The following CARMIL1 variants were observed in gnomAD, a reference collection of about 807,000 sequenced individuals.
CARMIL1 encodes the protein capping protein regulator and myosin 1 linker 1.
Under a neutral mutation model 177.1 loss-of-function variants are expected in CARMIL1, and 90 were observed. The observed-to-expected ratio is 0.51, with a 90% CI of 0.43 to 0.61. CARMIL1 has a LOEUF of 0.61. Ranked by LOEUF, CARMIL1 falls within the 20% of genes least tolerant of loss-of-function variation. The pLI is 0.00. For missense variants in CARMIL1, 1,380 were observed against 1,667.0 expected (o/e 0.83, Z 3.00); for synonymous variants, 577 against 606.2 (o/e 0.95, Z 0.71).
chr6:25,472,583 T>G, intron 11 of CARMIL1, 62 bp downstream of exon 11: 1 of 1,348,758 alleles, frequency 7.4e-7, no homozygotes, highest in Non-Finnish European at 1.0e-6. Context: ...GAATTTTAAT[T>G]TAGCCATGCC....
Position 25,600,660 on chromosome 6 carries a change from C to T in CARMIL1, c.3466C>T (p.Arg1156Trp), listed in dbSNP as rs767321872. Reference sequence around the variant, plus strand: ...CAGCAAGAGCAGCCCACAGGCAGGGCGGAGGTATGGGGTCCAGGTGATGGG... The same window carrying T: ...CAGCAAGAGCAGCCCACAGGCAGGGTGGAGGTATGGGGTCCAGGTGATGGG... ...SDSKSSPQAG[R>W]RYGVQVMGSG... Residue 1156 changes from arginine to tryptophan, a missense_variant, in exon 33 of 37, where the codon CGG becomes TGG. Arg to Trp is a moderately radical substitution (Grantham distance 101). Coordinates refer to ENST00000329474, the MANE Select transcript of CARMIL1 (RefSeq NM_017640.6). 9.9e-6 allele frequency: 16 copies of T among 1,612,202 alleles called. No homozygotes were observed. The highest frequency in any genetic ancestry group is 1.7e-5 in the Admixed American group (1 of 59,844).
chr6:25,488,240 A>G (rs1039111136), intron 12 of CARMIL1, among the ~76,000 whole-genome samples: 2 of 152,172 alleles, frequency 1.3e-5, no homozygotes, highest in African/African-American at 4.8e-5. Flanking sequence ...GAAGACATGG[A>G]TCAAAGGGAA....
intron 2 of CARMIL1, among the ~76,000 whole-genome samples, chr6:25,325,223 G>A (rs1390994201): frequency 6.6e-6 from 1 of 152,146 alleles, no homozygotes; most frequent in Non-Finnish European, 1.5e-5. Context: ...TTCTATATTC[G>A]TGTGGTAGAG....
chr6:25,299,361 G>T lies in CARMIL1; in HGVS notation c.138+14452G>T, dbSNP rs889888941. Among the ~76,000 whole-genome samples, 16 of 149,292 alleles carry T rather than the reference G, an allele frequency of 1.1e-4. No individual in the cohort carries two copies. The East Asian group carries it at 1.5e-3, about 14-fold the overall frequency. On this transcript the variant is annotated intron_variant, in intron 2 of 36. Coordinates refer to ENST00000329474, the MANE Select transcript of CARMIL1 (RefSeq NM_017640.6). ...AATTTTTTGTATTTTTAGTAGAGAC[G>T]GGGTTTTACCATGTTGGCCAGGCTG...
chr6:25,545,467 A>C (rs971688000), intron 26 of CARMIL1, among the ~76,000 whole-genome samples: 2 of 152,250 alleles, frequency 1.3e-5, no homozygotes, highest in African/African-American at 2.4e-5. Context: ...ATTACAAAGA[A>C]AAATGGACAA....
At chr6:25,562,938 A>T (rs942684527) in intron 29 of CARMIL1, among the ~76,000 whole-genome samples, 3 of 152,222 alleles carry the variant, frequency 2.0e-5, no homozygotes, top group Non-Finnish European at 4.4e-5. Flanking sequence ...TGTAATCATA[A>T]ACTAAACATG....
chr6:25,513,102 G>T (rs969242525), intron 20 of CARMIL1, among the ~76,000 whole-genome samples: 1 of 152,120 alleles, frequency 6.6e-6, no homozygotes, highest in African/African-American at 2.4e-5. Flanking sequence ...TATAGTCCTG[G>T]AATTGATGCT....
intron 2 of CARMIL1, among the ~76,000 whole-genome samples, chr6:25,394,297 A>T (rs926801022): frequency 1.3e-5 from 2 of 152,214 alleles, no homozygotes; most frequent in African/African-American, 4.8e-5. Context: ...CTATTAACTC[A>T]TTCAGTCTTC....
At chr6:25,530,246 CTG>C (rs959235574) in intron 24 of CARMIL1, among the ~76,000 whole-genome samples, 11 of 151,562 alleles carry the variant, frequency 7.3e-5, no homozygotes, top group Non-Finnish European at 1.5e-4. Flanking sequence ...AGGCCAGACA[CTG>C]TGGCTCACGC....
intron 2 of CARMIL1, among the ~76,000 whole-genome samples, chr6:25,351,647 C>A: frequency 6.6e-6 from 1 of 152,190 alleles, no homozygotes; most frequent in South Asian, 2.1e-4. Flanking sequence ...CAGTGTTACA[C>A]AATGGTTCAG....
intron 31 of CARMIL1, among the ~76,000 whole-genome samples, chr6:25,593,132 G>A (rs953148623): frequency 2.6e-5 from 4 of 152,066 alleles, no homozygotes; most frequent in South Asian, 2.1e-4. Context: ...TATTTGTAAC[G>A]TGTTCCCTAG....
intron 2 of CARMIL1, among the ~76,000 whole-genome samples, chr6:25,365,119 TA>T (rs1789638438): frequency 6.6e-6 from 1 of 152,214 alleles, no homozygotes; most frequent in African/African-American, 2.4e-5. Flanking sequence ...TGGATCACAT[TA>T]TTATTTTGGA....
intron 17 of CARMIL1, among the ~76,000 whole-genome samples, chr6:25,505,398 A>G (rs1052983224): frequency 2.6e-5 from 4 of 152,176 alleles, no homozygotes; most frequent in Admixed American, 2.6e-4. Context: ...ACTGGCATTC[A>G]TGAGTAGTAT....
At chr6:25,398,478 G>A (rs1166617764) in intron 2 of CARMIL1, among the ~76,000 whole-genome samples, 3 of 152,344 alleles carry the variant, frequency 2.0e-5, no homozygotes, top group African/African-American at 4.8e-5. Context: ...AGTGCTTACG[G>A]TGATAAATCA....
rs1318399422 is a variant in CARMIL1 at position 25,620,120 on chromosome 6, T to TTA, written c.*545_*546dup. The TTA allele has an allele frequency of 6.6e-6, 1 of 152,644 alleles. No individual in the cohort carries two copies. The highest frequency in any genetic ancestry group is 2.4e-5 in the African/African-American group (1 of 41,450). 9.5% of individuals were successfully genotyped at this position (152,644 alleles called of 1,614,324 possible). Reference sequence around the variant, plus strand: ...AGAGCACACTAATAATTTGTATAGATTATATATATTAGATCTTGGGTATGG... The same window carrying TTA: ...AGAGCACACTAATAATTTGTATAGATTATATATATATTAGATCTTGGGTATGG... On this transcript the variant is annotated 3_prime_UTR_variant, in exon 37 of 37. Transcript: ENST00000329474.
At chr6:25,485,938 T>TAA (rs36113795) in intron 12 of CARMIL1, among the ~76,000 whole-genome samples, 5 of 142,408 alleles carry the variant, frequency 3.5e-5, no homozygotes, top group Non-Finnish European at 3.1e-5. Context: ...CAAGACAGAT[T>TAA]AAAAAAAAAA....
At chr6:25,333,039 A>G (rs558429331) in intron 2 of CARMIL1, among the ~76,000 whole-genome samples, 22 of 152,240 alleles carry the variant, frequency 1.4e-4, no homozygotes, top group Admixed American at 5.9e-4. Flanking sequence ...TTACACTCAG[A>G]TGTGATTCCT....
intron 2 of CARMIL1, among the ~76,000 whole-genome samples, chr6:25,353,064 T>C (rs1788262880): frequency 6.6e-6 from 1 of 152,156 alleles, no homozygotes; most frequent in Non-Finnish European, 1.5e-5. Flanking sequence ...AAGCCTGGCT[T>C]TACCCACCAA....
intron 2 of CARMIL1, chr6:25,369,804 A>C (rs140010489): frequency 6.6e-6 from 1 of 152,210 alleles, no homozygotes; most frequent in African/African-American, 2.4e-5. Context: ...AGAAACTGAA[A>C]GGTGCTTTCA....
Sources: gnomAD v4.1 joint callset for allele counts (sites outside exome capture counted in the v4.1 genomes callset) on GRCh38, gnomAD v4.1.1 for gene constraint, MANE v1.5 for transcripts, NCBI Gene and HGNC (gene_info 2026-07-23, HGNC 2026-07-21) for gene names.